The following RANBP2 variants were observed in gnomAD, a reference collection of about 807,000 sequenced individuals.
The protein encoded by RANBP2 is RAN binding protein 2.
A neutral mutation model predicts 303.6 loss-of-function variants in RANBP2; 57 were observed. The ratio of observed to expected loss-of-function variants is 0.19; its 90% CI spans 0.15 to 0.23. RANBP2 has a LOEUF of 0.23. Among genes scored for constraint, RANBP2 ranks in the 10% least tolerant of loss-of-function variants. RANBP2 has a pLI of 1.00. For missense variants in RANBP2, 3,138 were observed against 3,780.8 expected (o/e 0.83, Z 4.46); for synonymous variants, 1,167 against 1,301.5 (o/e 0.90, Z 2.23).
chr2:109,717,283 A>C, the RANBP2 span, among the ~76,000 whole-genome samples: 1 of 151,132 alleles, frequency 6.6e-6, no homozygotes, highest in African/African-American at 2.4e-5. Flanking sequence ...AAAAAAAAAA[A>C]AAAAAAAACC....
At chr2:109,649,096 T>G in the RANBP2 span, among the ~76,000 whole-genome samples, 1 of 152,164 alleles carries the variant, frequency 6.6e-6, no homozygotes, top group Non-Finnish European at 1.5e-5. Flanking sequence ...GACAAAACGG[T>G]AATAGATAAT....
the RANBP2 span, among the ~76,000 whole-genome samples, chr2:109,717,162 C>T: frequency 3.3e-5 from 5 of 150,972 alleles, no homozygotes; most frequent in African/African-American, 1.2e-4. Flanking sequence ...ATTATTTGGA[C>T]CAATAAATGA....
At chr2:108,800,733 C>T in the RANBP2 span, among the ~76,000 whole-genome samples, 4 of 113,462 alleles carry the variant, frequency 3.5e-5, no homozygotes, top group Non-Finnish European at 7.0e-5. Context: ...CCCACTAACT[C>T]ATCATCTAGC....
chr2:108,730,448 G>A (rs1158732719), intron 2 of RANBP2, among the ~76,000 whole-genome samples: 2 of 151,734 alleles, frequency 1.3e-5, no homozygotes, highest in Non-Finnish European at 1.5e-5. Flanking sequence ...TAATTTATTC[G>A]CAAAACTGTT....
the RANBP2 span, among the ~76,000 whole-genome samples, chr2:109,141,202 C>T: frequency 1.3e-5 from 2 of 152,188 alleles, no homozygotes; most frequent in Non-Finnish European, 2.9e-5. Flanking sequence ...CAGTTTCTGG[C>T]TCCATTTTTA....
Position 108,785,594 on chromosome 2 carries a change from T to A in RANBP2, c.*1693T>A, listed in dbSNP as rs1395881649. On this transcript the variant is annotated 3_prime_UTR_variant, in exon 29 of 29. Transcript: ENST00000283195. ...GACAAAATGACATGTAAACTGACTT[T>A]TCCCGTATTAGTATTCCAAAGATGC... The A allele has an allele frequency of 1.3e-5, 2 of 152,244 alleles. No individual in the cohort carries two copies. The highest frequency in any genetic ancestry group is 1.3e-4 in the Admixed American group (2 of 15,292). 9.4% of individuals were successfully genotyped at this position (152,244 alleles called of 1,614,324 possible). A position where few individuals can be genotyped will look rare whatever the true frequency, so the allele number is the denominator to read the frequency against.
the RANBP2 span, among the ~76,000 whole-genome samples, chr2:109,200,269 A>G: frequency 0.01 from 1,558 of 152,214 alleles, 33 homozygotes; most frequent in African/African-American, 0.035. Flanking sequence ...GCTTTCAGCA[A>G]GGTGTTCTCA....
At chr2:108,962,354 C>T in the RANBP2 span, among the ~76,000 whole-genome samples, 6 of 152,110 alleles carry the variant, frequency 3.9e-5, no homozygotes, top group Non-Finnish European at 8.8e-5. Flanking sequence ...ATTGTCAAAG[C>T]TCAAATAGCC....
chr2:108,925,724 T>G, the RANBP2 span, among the ~76,000 whole-genome samples: 2 of 151,964 alleles, frequency 1.3e-5, no homozygotes, highest in Non-Finnish European at 2.9e-5. Flanking sequence ...TGCAAACAAT[T>G]CTCCTGCCTC....
At chr2:109,141,584 C>T in the RANBP2 span, 1 of 154,938 alleles carries the variant, frequency 6.5e-6, no homozygotes, top group African/African-American at 2.4e-5. Flanking sequence ...CTCCAACCCA[C>T]TGCACTTTTC....
At chr2:109,080,445 A>G in the RANBP2 span, among the ~76,000 whole-genome samples, 1 of 152,206 alleles carries the variant, frequency 6.6e-6, no homozygotes, top group African/African-American at 2.4e-5. Flanking sequence ...GCCTGTTCCG[A>G]GACCAAGAAG....
chr2:109,499,281 C>T, the RANBP2 span, among the ~76,000 whole-genome samples: 2 of 152,062 alleles, frequency 1.3e-5, no homozygotes, highest in African/African-American at 4.8e-5. Flanking sequence ...TGAGTGCCTT[C>T]GCCCTGCCAG....
chr2:108,926,803 G>C, the RANBP2 span, among the ~76,000 whole-genome samples: 1 of 152,234 alleles, frequency 6.6e-6, no homozygotes, highest in Admixed American at 6.5e-5. Flanking sequence ...GCCCAGGAGA[G>C]ACTGGGACAA....
the RANBP2 span, among the ~76,000 whole-genome samples, chr2:108,996,238 C>A: frequency 3.3e-5 from 5 of 152,152 alleles, no homozygotes; most frequent in Non-Finnish European, 7.3e-5. Context: ...GTTTGAACCC[C>A]AGGAAGGTCT....
At chr2:109,387,095 C>T in the RANBP2 span, among the ~76,000 whole-genome samples, 3 of 152,204 alleles carry the variant, frequency 2.0e-5, no homozygotes, top group East Asian at 1.9e-4. Context: ...AGAGAAAGAA[C>T]GAGGTGAAAC....
chr2:109,290,789 C>T, the RANBP2 span, among the ~76,000 whole-genome samples: 1 of 152,218 alleles, frequency 6.6e-6, no homozygotes, highest in African/African-American at 2.4e-5. Flanking sequence ...AGAGCCTTTA[C>T]AACACAGCAC....
At chr2:109,471,434 C>A in the RANBP2 span, among the ~76,000 whole-genome samples, 1 of 152,100 alleles carries the variant, frequency 6.6e-6, no homozygotes, top group Admixed American at 6.5e-5. Context: ...CATGAGAACT[C>A]ACTCACTATC....
the RANBP2 span, among the ~76,000 whole-genome samples, chr2:108,845,490 A>G: frequency 6.6e-6 from 1 of 152,148 alleles, no homozygotes; most frequent in African/African-American, 2.4e-5. Flanking sequence ...TTGGGTCATA[A>G]TAAAGGAAAT....
At chr2:109,097,355 CA>C in the RANBP2 span, among the ~76,000 whole-genome samples, 1 of 125,634 alleles carries the variant, frequency 8.0e-6, no homozygotes, top group East Asian at 2.1e-4. Flanking sequence ...CAAAACAAAA[CA>C]AAACCTCTGA....
Sources: gnomAD v4.1 joint callset for allele counts (sites outside exome capture counted in the v4.1 genomes callset) on GRCh38, gnomAD v4.1.1 for gene constraint, MANE v1.5 for transcripts, NCBI Gene and HGNC (gene_info 2026-07-23, HGNC 2026-07-21) for gene names.